The following SCAF4 variants were observed in gnomAD, a reference collection of about 807,000 sequenced individuals.
The protein encoded by SCAF4 is SR-related and CTD-associated factor 4.
In SCAF4, 25 loss-of-function variants were observed where a neutral mutation model predicts 129.8. The observed-to-expected ratio is 0.19, with a 90% CI of 0.14 to 0.27. The LOEUF (loss-of-function observed/expected upper bound fraction) is 0.27, where lower values mean the gene tolerates loss of function less well. Ranked by LOEUF, SCAF4 falls within the 10% of genes least tolerant of loss-of-function variation. The pLI is 1.00. For synonymous variants in SCAF4, 551 were observed against 497.7 expected (o/e 1.11, Z -1.43); for missense variants, 1,246 against 1,457.1 (o/e 0.86, Z 2.36).
rs377134445 is a variant in SCAF4, at chr21:31,688,473, G to A, written c.1886-9C>T. 107 of 1,607,804 alleles carry A rather than the reference G, an allele frequency of 6.7e-5. No individual in the cohort carries two copies. Among genetic ancestry groups the A allele is most frequent in the Non-Finnish European group, 8.3e-5 (98 of 1,175,742 alleles). ...AGGAATTCCTTTCCAATCTGTGAGC[G>A]TGAAAGAAATTTAACAAGAGTTTAC... On this transcript the variant is annotated splice_polypyrimidine_tract_variant and intron_variant, in intron 15 of 19. Transcript: ENST00000286835.
chr21:31,677,077 C>G (rs66724284), intron 19 of SCAF4, among the ~76,000 whole-genome samples: 8,609 of 151,970 alleles, frequency 0.057, 292 homozygotes, highest in African/African-American at 0.088. Context: ...TTTTAGTTAC[C>G]CTAGTTGGCT....
chr21:31,719,030 C>G (rs1464004569), intron 1 of SCAF4, among the ~76,000 whole-genome samples: 2 of 152,178 alleles, frequency 1.3e-5, no homozygotes, highest in African/African-American at 2.4e-5. Context: ...GTGGCTCATG[C>G]CCGTAATCCC....
chr21:31,677,099 T>A (rs191552160), intron 19 of SCAF4, among the ~76,000 whole-genome samples: 5 of 152,282 alleles, frequency 3.3e-5, no homozygotes, highest in East Asian at 1.9e-4. Flanking sequence ...ATCATTTTTT[T>A]AAAAAGGTCT....
At chr21:31,676,968 C>T (rs1057123645) in intron 19 of SCAF4, among the ~76,000 whole-genome samples, 4 of 152,154 alleles carry the variant, frequency 2.6e-5, no homozygotes, top group African/African-American at 4.8e-5. Flanking sequence ...TCCTGTGTGA[C>T]TGACTTTTGC....
At chr21:31,685,828 A>C in intron 16 of SCAF4, 95 bp from the exon 17 acceptor site, 1 of 1,226,518 alleles carries the variant, frequency 8.2e-7, no homozygotes, top group Non-Finnish European at 1.1e-6. Flanking sequence ...GAAAAAATAG[A>C]TGTTTCTTAA....
At position 31,672,352 on chromosome 21, in the gene SCAF4, T is replaced by C. The variant is rs1232168019; in HGVS notation, c.2491A>G (p.Thr831Ala). 1 of 1,611,446 alleles carries C rather than the reference T, an allele frequency of 6.2e-7. No homozygotes were observed. The highest frequency in any genetic ancestry group is 1.7e-5 in the Admixed American group (1 of 60,012). Reference sequence around the variant, plus strand: ...ACAGGACCAGGGGCAACTCCTTGAGTGCCTAAAAGACGACAAAAATAAAAA... The same window carrying C: ...ACAGGACCAGGGGCAACTCCTTGAGCGCCTAAAAGACGACAAAAATAAAAA... ...PVTQPVSLLG[T>A]QGVAPGPVIG... Residue 831 changes from threonine to alanine, a missense_variant and splice_region_variant, in exon 20 of 20, where the codon ACT becomes GCT. Transcript: ENST00000286835.
intron 7 of SCAF4, chr21:31,700,741 CTTTTT>C (rs79606547): frequency 5.9e-5 from 17 of 290,132 alleles, no homozygotes; most frequent in Non-Finnish European, 1.0e-4. Context: ...CTAACTTTTT[CTTTTT>C]TTTTTTTTTT....
chr21:31,683,539 A>C (rs1332678564), intron 19 of SCAF4, among the ~76,000 whole-genome samples: 1 of 152,152 alleles, frequency 6.6e-6, no homozygotes, highest in Non-Finnish European at 1.5e-5. Flanking sequence ...TCATTCAATA[A>C]ATTTATTAAA....
At chr21:31,717,841 A>ATATATATATATATATATATATG (rs1368659249) in intron 1 of SCAF4, among the ~76,000 whole-genome samples, 1 of 83,298 alleles carries the variant, frequency 1.2e-5, no homozygotes, top group African/African-American at 4.3e-5. Flanking sequence ...ATATATATAT[A>ATATATATATATATATATATATG]TACACACACA....
At chr21:31,694,438 C>A in intron 10 of SCAF4, 149 bp from the exon 11 acceptor site, 2 of 555,020 alleles carry the variant, frequency 3.6e-6, no homozygotes, top group South Asian at 5.3e-5. Flanking sequence ...AACAACTGGC[C>A]ATCACTGGGA....
intron 19 of SCAF4, among the ~76,000 whole-genome samples, chr21:31,673,910 G>C (rs1019592451): frequency 6.6e-5 from 10 of 152,182 alleles, no homozygotes; most frequent in African/African-American, 2.4e-4. Flanking sequence ...TGTTAACGGA[G>C]GTCAGCATAG....
Position 31,694,189 on chromosome 21 carries a change from T to A in SCAF4, c.1322+15A>T, listed in dbSNP as rs2050326748. 3.3e-6 allele frequency: 5 copies of A among 1,534,540 alleles called. No individual in the cohort carries two copies. The highest frequency in any genetic ancestry group is 4.5e-6 in the Non-Finnish European group (5 of 1,112,412). On this transcript the variant is annotated intron_variant, in intron 11 of 19. Coordinates refer to ENST00000286835, the MANE Select transcript of SCAF4 (RefSeq NM_020706.2). ...AAGATATACAGGGTTGGAAAAAACA[T>A]TTTCTATAAATTACCTGGATGCTGA...
At chr21:31,683,183 C>T (rs533595684) in intron 19 of SCAF4, among the ~76,000 whole-genome samples, 8 of 152,258 alleles carry the variant, frequency 5.3e-5, no homozygotes, top group Admixed American at 1.3e-4. Context: ...GAAAACCACC[C>T]GCTCATGTAA....
intron 10 of SCAF4, 25 bp from the exon 11 acceptor site, chr21:31,694,314 A>C (rs891286678): frequency 2.8e-6 from 4 of 1,417,288 alleles, no homozygotes; most frequent in Middle Eastern, 1.8e-4. Flanking sequence ...ACCATGATAA[A>C]ATGAGAAATT....
In SCAF4 at chr21:31,685,153, T is replaced by C. The variant is rs200463235; in HGVS notation, c.2384A>G (p.Asn795Ser). Residue 795 changes from asparagine to serine, a missense_variant, in exon 19 of 20, where the codon AAC (asparagine) becomes AGC (serine). Asn to Ser is a conservative substitution (Grantham distance 46). Transcript: ENST00000286835. ...TTTCACGCTGTCACCAGACTCGGCG[T>C]TTCCTCTAGCCCCAGACACCACTGT... Reference protein sequence around the residue: ...IPTVVSGARGNAESGDSVKMY... With the variant: ...IPTVVSGARGSAESGDSVKMY... 12 of 1,613,106 alleles carry C rather than the reference T, an allele frequency of 7.4e-6. No homozygotes were observed. The highest frequency in any genetic ancestry group is 2.2e-5 in the East Asian group (1 of 44,876).
Position 31,685,005 on chromosome 21 carries a change from G to T in SCAF4, c.2488+44C>A. 1.1e-5 allele frequency: 8 copies of T among 745,160 alleles called. 1 individual carries two copies. The highest frequency in any genetic ancestry group is 6.1e-5 in the South Asian group (4 of 65,054). The allele number at this position is 745,160 out of a possible 1,614,324, so 46.2% of individuals were successfully genotyped here. ...TTGGGGATGGGTGGGGGGGTGGGGGGGGGGTGGGGCAAGGAAAACTAATGA... is the reference window on the plus strand; with the variant it reads ...TTGGGGATGGGTGGGGGGGTGGGGGTGGGGTGGGGCAAGGAAAACTAATGA... On this transcript the variant is annotated intron_variant, in intron 19 of 19. Coordinates refer to ENST00000286835, the MANE Select transcript of SCAF4 (RefSeq NM_020706.2).
intron 1 of SCAF4, among the ~76,000 whole-genome samples, chr21:31,713,400 T>A (rs904001860): frequency 1.3e-5 from 2 of 152,110 alleles, no homozygotes; most frequent in African/African-American, 4.8e-5. Flanking sequence ...AGTCTAAGAA[T>A]TAAATACAAA....
intron 16 of SCAF4, among the ~76,000 whole-genome samples, 171 bp downstream of exon 16, chr21:31,688,114 CAAAAAAAAAAAAAAAAAAAAAA>C (rs61592268): frequency 1.7e-3 from 19 of 10,912 alleles, no homozygotes; most frequent in African/African-American, 5.6e-3. Flanking sequence ...GACTCTGTCT[CAAAAAAAAAAAAAAAAAAAAAA>C]AAAAAAAAAG....
Position 31,672,039 on chromosome 21 carries a change from T to C in SCAF4, c.2804A>G (p.Glu935Gly), listed in dbSNP as rs758042919. Reference protein sequence around the residue: ...GGPGPGPGGPEDRDGRQQPPQ... With the variant: ...GGPGPGPGGPGDRDGRQQPPQ... Reference sequence around the variant, plus strand: ...CGGCTGTTGCCTTCCGTCTCTGTCTTCAGGACCCCCTGGGCCTGGCCCTGG... The same window carrying C: ...CGGCTGTTGCCTTCCGTCTCTGTCTCCAGGACCCCCTGGGCCTGGCCCTGG... Residue 935 changes from glutamate (E) to glycine (G), a missense_variant, in exon 20 of 20, where the codon GAA becomes GGA. Glu to Gly is a moderately conservative substitution (Grantham distance 98). Coordinates refer to ENST00000286835, the MANE Select transcript of SCAF4 (RefSeq NM_020706.2). 4.3e-6 allele frequency: 7 copies of C among 1,613,302 alleles called. No individual in the cohort carries two copies. In the East Asian group the frequency reaches 1.6e-4, roughly 36 times the overall value.
Sources: gnomAD v4.1 joint callset for allele counts (sites outside exome capture counted in the v4.1 genomes callset) on GRCh38, gnomAD v4.1.1 for gene constraint, MANE v1.5 for transcripts, NCBI Gene and HGNC (gene_info 2026-07-23, HGNC 2026-07-21) for gene names.